The following GLRA3 variants were observed in gnomAD, a reference collection of about 807,000 sequenced individuals.
GLRA3 encodes glycine receptor subunit alpha-3.
GLRA3 carries 44 observed loss-of-function variants against 60.4 expected under a neutral mutation model. That is an observed-to-expected ratio of 0.73 (90% CI 0.57 to 0.94). The LOEUF (loss-of-function observed/expected upper bound fraction) is 0.94, where lower values mean the gene tolerates loss of function less well. GLRA3 is among the 40% of genes least tolerant of loss of function. The probability of loss-of-function intolerance (pLI) is 0.00; values close to 1 mark genes in which losing one functional copy is unlikely to be tolerated. For missense variants in GLRA3, 508 were observed against 564.6 expected, an observed-to-expected ratio of 0.90 and a Z score of 1.02; for synonymous variants, 223 against 192.9, an observed-to-expected ratio of 1.16 and a Z score of -1.29.
intron 5 of GLRA3, among the ~76,000 whole-genome samples, chr4:174,709,957 T>A (rs1039157418): frequency 6.7e-6 from 1 of 148,714 alleles, no homozygotes; most frequent in Non-Finnish European, 1.5e-5. Flanking sequence ...GAAAACATAA[T>A]GTTGATTTTC....
At chr4:174,821,533 T>A (rs1385900297) in intron 1 of GLRA3, among the ~76,000 whole-genome samples, 1 of 152,088 alleles carries the variant, frequency 6.6e-6, no homozygotes, top group East Asian at 1.9e-4. Context: ...AAAAAGCCTT[T>A]TTATTTTTAT....
At chr4:174,801,906 T>C (rs1206155197) in intron 1 of GLRA3, among the ~76,000 whole-genome samples, 4 of 152,086 alleles carry the variant, frequency 2.6e-5, no homozygotes, top group Non-Finnish European at 5.9e-5. Context: ...TTGGTATATG[T>C]CTATCTGCCT....
At chr4:174,771,833 T>C (rs1183211712) in intron 2 of GLRA3, among the ~76,000 whole-genome samples, 3 of 152,180 alleles carry the variant, frequency 2.0e-5, no homozygotes, top group Non-Finnish European at 4.4e-5. Context: ...TTTTGTCTCG[T>C]CTTTTAAATT....
At chr4:174,689,010 C>G (rs1301668714) in intron 5 of GLRA3, among the ~76,000 whole-genome samples, 1 of 152,094 alleles carries the variant, frequency 6.6e-6, no homozygotes, top group Admixed American at 6.5e-5. Context: ...AAGTTTCCCA[C>G]AAGCAGAGGC....
At chr4:174,795,534 CTG>C (rs1339079789) in intron 1 of GLRA3, among the ~76,000 whole-genome samples, 2 of 152,046 alleles carry the variant, frequency 1.3e-5, no homozygotes, top group African/African-American at 2.4e-5. Context: ...AGGTGATAAA[CTG>C]TTTTTAAAGT....
chr4:174,718,479 GATA>G (rs1478163847), intron 4 of GLRA3, among the ~76,000 whole-genome samples: 1 of 152,150 alleles, frequency 6.6e-6, no homozygotes, highest in South Asian at 2.1e-4. Context: ...TTAAAAAGCT[GATA>G]ATAATTTGTG....
chr4:174,737,202 A>G (rs1207652618), intron 3 of GLRA3, among the ~76,000 whole-genome samples: 1 of 152,192 alleles, frequency 6.6e-6, no homozygotes, highest in Non-Finnish European at 1.5e-5. Context: ...AATAATGTGA[A>G]CCAAGTTTGT....
chr4:174,826,411 T>C (rs919154982), intron 1 of GLRA3, among the ~76,000 whole-genome samples: 25 of 152,298 alleles, frequency 1.6e-4, no homozygotes, highest in African/African-American at 5.8e-4. Context: ...GCCAAGGTAG[T>C]GCCTTGGAAA....
At chr4:174,730,149 A>G (rs80300363) in intron 3 of GLRA3, among the ~76,000 whole-genome samples, 8,349 of 152,244 alleles carry the variant, frequency 0.055, 280 homozygotes, top group South Asian at 0.1. Flanking sequence ...GATATTGTGG[A>G]AATCTCACTC....
intron 3 of GLRA3, among the ~76,000 whole-genome samples, chr4:174,759,521 C>T (rs1462890316): frequency 6.6e-6 from 1 of 152,052 alleles, no homozygotes; most frequent in Non-Finnish European, 1.5e-5. Context: ...CCCCAGTGCT[C>T]ATCTTTATAT....
At chr4:174,749,871 T>C (rs1177609153) in intron 3 of GLRA3, among the ~76,000 whole-genome samples, 1 of 152,138 alleles carries the variant, frequency 6.6e-6, no homozygotes, top group Non-Finnish European at 1.5e-5. Flanking sequence ...GTGACATATA[T>C]GAGTGTTAGC....
intron 1 of GLRA3, among the ~76,000 whole-genome samples, chr4:174,821,101 T>G (rs1367335695): frequency 6.6e-6 from 1 of 152,164 alleles, no homozygotes; most frequent in African/African-American, 2.4e-5. Context: ...AGTCTAAACC[T>G]AGTCAACAGT....
At chr4:174,662,209 CT>C (rs142928999) in intron 7 of GLRA3, among the ~76,000 whole-genome samples, 2,498 of 152,202 alleles carry the variant, frequency 0.016, 72 homozygotes, top group African/African-American at 0.056. Flanking sequence ...TTGTTTCATA[CT>C]TTATATAGCC....
intron 3 of GLRA3, among the ~76,000 whole-genome samples, chr4:174,736,940 TA>T (rs1736814153): frequency 6.6e-6 from 1 of 152,122 alleles, no homozygotes; most frequent in Non-Finnish European, 1.5e-5. Context: ...ATTGAAGAAA[TA>T]ATAAGTAAAA....
At position 174,639,302 on chromosome 4, in the gene GLRA3, C is replaced by G. The variant is rs1405961623; in HGVS notation, c.*4484G>C. ...CAAAACATATCACAGGATTATGAAC[C>G]TTTGTCTAGAAAAATTGACTGTCTT... On this transcript the variant is annotated 3_prime_UTR_variant, in exon 10 of 10. Coordinates refer to ENST00000274093, the MANE Select transcript of GLRA3 (RefSeq NM_006529.4). The G allele has an allele frequency of 6.6e-6, 1 of 151,106 alleles. No individual in the cohort carries two copies. Among genetic ancestry groups the G allele is most frequent in the Admixed American group, 6.6e-5 (1 of 15,144 alleles). The allele number at this position is 151,106 out of a possible 1,614,324, so 9.4% of individuals were successfully genotyped here.
At chr4:174,779,008 T>C (rs2111270593) in intron 2 of GLRA3, among the ~76,000 whole-genome samples, 1 of 152,322 alleles carries the variant, frequency 6.6e-6, no homozygotes, top group South Asian at 2.1e-4. Context: ...AGGCTCCACC[T>C]CTGGGGGCAG....
intron 3 of GLRA3, among the ~76,000 whole-genome samples, chr4:174,751,928 A>C (rs2111197779): frequency 6.6e-6 from 1 of 152,156 alleles, no homozygotes; most frequent in East Asian, 1.9e-4. Context: ...AAGATGTCTA[A>C]AAAGTGTCTT....
intron 5 of GLRA3, among the ~76,000 whole-genome samples, chr4:174,702,999 G>A (rs558997710): frequency 2.0e-5 from 3 of 152,254 alleles, no homozygotes; most frequent in East Asian, 1.9e-4. Context: ...CTCACGCCCA[G>A]TGCTAACACT....
intron 1 of GLRA3, among the ~76,000 whole-genome samples, chr4:174,800,583 T>G (rs941894886): frequency 2.6e-5 from 4 of 152,086 alleles, no homozygotes; most frequent in African/African-American, 9.7e-5. Flanking sequence ...ATGCTTTTAT[T>G]TGTATTGTTA....
Sources: gnomAD v4.1 joint callset for allele counts (sites outside exome capture counted in the v4.1 genomes callset) on GRCh38, gnomAD v4.1.1 for gene constraint, MANE v1.5 for transcripts, NCBI Gene and HGNC (gene_info 2026-07-23, HGNC 2026-07-21) for gene names.